The following MBNL2 variants were observed in gnomAD, a reference collection of about 807,000 sequenced individuals.
MBNL2 encodes the protein muscleblind-like protein 2.
A neutral mutation model predicts 41.9 loss-of-function variants in MBNL2; 17 were observed. The observed-to-expected ratio is 0.41, with a 90% CI of 0.28 to 0.61. MBNL2 has a LOEUF of 0.61. Among genes scored for constraint, MBNL2 ranks in the 20% least tolerant of loss-of-function variants. MBNL2 has a pLI of 0.35. For synonymous variants in MBNL2, 195 were observed against 182.9 expected, an observed-to-expected ratio of 1.07 and a Z score of -0.53; for missense variants, 336 against 505.6, an observed-to-expected ratio of 0.66 and a Z score of 3.22.
the MBNL2 span, among the ~76,000 whole-genome samples, chr13:97,157,302 A>G: frequency 8.2e-5 from 12 of 145,596 alleles, no homozygotes; most frequent in Admixed American, 1.4e-4. Context: ...GGGCTGAGAC[A>G]ATGGGGTTTT....
intron 2 of MBNL2, among the ~76,000 whole-genome samples, chr13:97,312,778 C>A (rs1566410007): frequency 6.6e-6 from 1 of 152,188 alleles, no homozygotes; most frequent in Admixed American, 6.5e-5. Context: ...TTTCTCTGTG[C>A]ATCTATATTA....
intron 1 of MBNL2, among the ~76,000 whole-genome samples, chr13:97,243,700 C>G (rs2044800876): frequency 6.6e-6 from 1 of 152,190 alleles, no homozygotes; most frequent in Non-Finnish European, 1.5e-5. Flanking sequence ...GTTTCTTTTT[C>G]TTTTCTCTTT....
At chr13:97,189,757 C>G in the MBNL2 span, among the ~76,000 whole-genome samples, 1 of 152,160 alleles carries the variant, frequency 6.6e-6, no homozygotes, top group African/African-American at 2.4e-5. Flanking sequence ...ACCCTATGTA[C>G]AGAACTCGCG....
At chr13:97,282,771 C>T (rs770006065) in intron 2 of MBNL2, among the ~76,000 whole-genome samples, 6 of 152,204 alleles carry the variant, frequency 3.9e-5, no homozygotes, top group African/African-American at 7.2e-5. Context: ...GGACACTATT[C>T]AGACTTCATG....
chr13:97,150,617 T>C, the MBNL2 span, among the ~76,000 whole-genome samples: 9 of 152,226 alleles, frequency 5.9e-5, no homozygotes, highest in Admixed American at 5.9e-4. Flanking sequence ...GGTTCTCACC[T>C]GCCCTCAGTT....
At chr13:97,151,301 A>G in the MBNL2 span, among the ~76,000 whole-genome samples, 1 of 152,150 alleles carries the variant, frequency 6.6e-6, no homozygotes, top group Non-Finnish European at 1.5e-5. Flanking sequence ...AAAATACAGT[A>G]AAACCCTGGA....
At chr13:97,200,601 C>T in the MBNL2 span, among the ~76,000 whole-genome samples, 1 of 152,200 alleles carries the variant, frequency 6.6e-6, no homozygotes, top group Non-Finnish European at 1.5e-5. Context: ...CATGATTTGA[C>T]AGCAAACAGT....
the MBNL2 span, among the ~76,000 whole-genome samples, chr13:97,204,326 G>T: frequency 1.3e-5 from 2 of 152,212 alleles, no homozygotes; most frequent in African/African-American, 2.4e-5. Flanking sequence ...GAGTTTGAAG[G>T]TTGGGACTTG....
chr13:97,160,175 A>G, the MBNL2 span, among the ~76,000 whole-genome samples: 1 of 152,226 alleles, frequency 6.6e-6, no homozygotes, highest in Non-Finnish European at 1.5e-5. Context: ...CTGTTGTAAC[A>G]TTAATTCTAC....
At chr13:97,203,377 A>G in the MBNL2 span, among the ~76,000 whole-genome samples, 1 of 152,186 alleles carries the variant, frequency 6.6e-6, no homozygotes, top group Admixed American at 6.5e-5. Flanking sequence ...TTATTATATT[A>G]TATGACTCTG....
At chr13:97,219,976 A>G (rs1464477195), upstream of MBNL2, among the ~76,000 whole-genome samples, 1 of 152,234 alleles carries the variant, frequency 6.6e-6, no homozygotes. Context: ...TTAGGTGTTA[A>G]ACCTGAAAGA....
At chr13:97,352,522 G>GGCA (rs552242430) in intron 5 of MBNL2, among the ~76,000 whole-genome samples, 52 of 152,204 alleles carry the variant, frequency 3.4e-4, no homozygotes, top group African/African-American at 1.2e-3. Flanking sequence ...TTAAGTTTGT[G>GGCA]GCATGGTTCA....
chr13:97,266,267 T>A (rs537764342), intron 1 of MBNL2, among the ~76,000 whole-genome samples: 161 of 152,204 alleles, frequency 1.1e-3, no homozygotes, highest in African/African-American at 2.5e-3. Flanking sequence ...ATAAATTAAT[T>A]AATTAATTAA....
intron 2 of MBNL2, among the ~76,000 whole-genome samples, chr13:97,282,995 C>A (rs563339039): frequency 1.3e-5 from 2 of 152,322 alleles, no homozygotes; most frequent in Non-Finnish European, 2.9e-5. Flanking sequence ...GATCTCCAGA[C>A]CAAAACCTTC....
the MBNL2 span, chr13:97,179,381 C>A: frequency 6.6e-6 from 1 of 152,214 alleles, no homozygotes; most frequent in Admixed American, 6.5e-5. Flanking sequence ...TTTCTTCACA[C>A]CTCCTCCAAA....
intron 5 of MBNL2, among the ~76,000 whole-genome samples, chr13:97,351,775 G>T (rs9516915): frequency 6.6e-6 from 1 of 152,138 alleles, no homozygotes; most frequent in Admixed American, 6.5e-5. Context: ...TATAATCCCA[G>T]CACTTTGCGG....
At position 97,394,109 on chromosome 13, in the gene MBNL2, C is replaced by G. The variant is rs2066466115; in HGVS notation, c.*2660C>G. 1 of 152,490 alleles carries G rather than the reference C, an allele frequency of 6.6e-6. No homozygotes were observed. Among genetic ancestry groups the G allele is most frequent in the African/African-American group, 2.4e-5 (1 of 41,426 alleles). 9.4% of individuals were successfully genotyped at this position (152,490 alleles called of 1,614,324 possible). The stretch of plus-strand genomic sequence containing the variant: ...TGTACAACCAATGAAATAAAAGAAG[C>G]ATTTAAAAGGATTGTATAGTCTTCC... On this transcript the variant is annotated 3_prime_UTR_variant, in exon 9 of 9. Coordinates refer to ENST00000679496, the MANE Select transcript of MBNL2 (RefSeq NM_001382683.1).
chr13:97,239,022 T>C (rs1448126839), intron 1 of MBNL2, among the ~76,000 whole-genome samples: 6 of 152,196 alleles, frequency 3.9e-5, no homozygotes, highest in African/African-American at 1.4e-4. Flanking sequence ...TGAATTCTGC[T>C]CTACTCAAAA....
chr13:97,306,397 ACT>A (rs2058128158), intron 2 of MBNL2, among the ~76,000 whole-genome samples: 1 of 152,174 alleles, frequency 6.6e-6, no homozygotes, highest in African/African-American at 2.4e-5. Context: ...GAGCACTCTC[ACT>A]TTTTCTCACT....
Sources: gnomAD v4.1 joint callset for allele counts (sites outside exome capture counted in the v4.1 genomes callset) on GRCh38, gnomAD v4.1.1 for gene constraint, MANE v1.5 for transcripts, NCBI Gene and HGNC (gene_info 2026-07-23, HGNC 2026-07-21) for gene names.